The following AKR1C1 variants were observed in gnomAD, a reference collection of about 807,000 sequenced individuals.
AKR1C1 encodes the protein aldo-keto reductase family 1 member C1.
In AKR1C1, 32 loss-of-function variants were observed where a neutral mutation model predicts 40.6. The ratio of observed to expected loss-of-function variants is 0.79; its 90% confidence interval spans 0.60 to 1.06. The LOEUF is 1.06. Among genes scored for constraint, AKR1C1 ranks in the 50% least tolerant of loss-of-function variants. The pLI is 0.00. For synonymous variants in AKR1C1, 105 were observed against 134.2 expected, an observed-to-expected ratio of 0.78 and a Z score of 1.50; for missense variants, 320 against 363.5, an observed-to-expected ratio of 0.88 and a Z score of 0.97.
rs1836551723 is a variant in AKR1C1 at position 4,977,853 on chromosome 10, G to C, written c.*111G>C. 9 of 1,470,394 alleles carry C rather than the reference G, an allele frequency of 6.1e-6. No individual in the cohort carries two copies. The highest frequency in any genetic ancestry group is 2.2e-5 in the Admixed American group (1 of 44,516). The allele number at this position is 1,470,394 out of a possible 1,614,324, so 91.1% of individuals were successfully genotyped here. A position where few individuals can be genotyped will look rare whatever the true frequency, so the allele number is the denominator to read the frequency against. ...CATCGCCTCTGGTTAAATCTCTCCT[G>C]CTTGGTGATTTCAGCAAGCTACAGC... On this transcript the variant is annotated 3_prime_UTR_variant, in exon 9 of 9. Coordinates refer to ENST00000380872, the MANE Select transcript of AKR1C1 (RefSeq NM_001353.6).
At chr10:4,968,751 C>G (rs575400240) in intron 4 of AKR1C1, 71 bp from the exon 5 acceptor site, 1 of 1,609,206 alleles carries the variant, frequency 6.2e-7, no homozygotes, top group African/African-American at 1.3e-5. Context: ...CATATCTAGA[C>G]AGTTGTTACT....
rs1300125566 is a variant in AKR1C1 at position 4,982,699 on chromosome 10, A to T, written c.*4957A>T. 5 of 291,074 alleles carry T rather than the reference A, an allele frequency of 1.7e-5. No individual in the cohort carries two copies. Among genetic ancestry groups the T allele is most frequent in the African/African-American group, 1.1e-4 (5 of 44,306 alleles). The allele number at this position is 291,074 out of a possible 1,614,324, so 18.0% of individuals were successfully genotyped here. A position where few individuals can be genotyped will look rare whatever the true frequency, so the allele number is the denominator to read the frequency against. On this transcript the variant is annotated 3_prime_UTR_variant, in exon 9 of 9. Coordinates refer to ENST00000380872, the MANE Select transcript of AKR1C1 (RefSeq NM_001353.6). The stretch of plus-strand genomic sequence containing the variant: ...GCCTGAGAAACCACTTTCCCTGGGC[A>T]ACTTAGGGCAAGCTCAAATCCCACT...
At chr10:4,967,098 G>A in intron 3 of AKR1C1, 55 bp downstream of exon 3, 1 of 1,528,164 alleles carries the variant, frequency 6.5e-7, no homozygotes, top group African/African-American at 1.4e-5. Flanking sequence ...CATAAATATT[G>A]TTTTTATGGA....
rs1235760320 is a variant in AKR1C1 at position 4,965,915 on chromosome 10, T to C, written c.86T>C (p.Val29Ala). Reference protein sequence around the residue: ...LGFGTYAPAEVPKSKALEATK... With the variant: ...LGFGTYAPAEAPKSKALEATK... ...TACTACCTATGGTTACTCCCCCAGGTTCCTAAAAGTAAAGCTTTAGAGGCC... is the reference window on the plus strand; with the variant it reads ...TACTACCTATGGTTACTCCCCCAGGCTCCTAAAAGTAAAGCTTTAGAGGCC... The change falls in exon 2 of 9, where the codon GTT (valine) becomes GCT (alanine). Residue 29 changes from valine to alanine, a missense_variant and splice_region_variant. Val to Ala is a moderately conservative substitution (Grantham distance 64). Coordinates refer to ENST00000380872, the MANE Select transcript of AKR1C1 (RefSeq NM_001353.6). The C allele has an allele frequency of 1.9e-6, 3 of 1,613,178 alleles. No individual in the cohort carries two copies. Among genetic ancestry groups the C allele is most frequent in the Non-Finnish European group, 2.5e-6 (3 of 1,179,718 alleles).
In AKR1C1 at chr10:4,981,514, GATT is replaced by G. The variant is rs1836614802; in HGVS notation, c.*3774_*3776del. ...TGTGAGCATGCCTCTCCCACTTGGA[GATT>G]AGTGTGTAGAGATTTACATTGTGAA... On this transcript the variant is annotated 3_prime_UTR_variant, in exon 9 of 9. Transcript: ENST00000380872. 6.6e-6 allele frequency: 1 copy of G among 151,584 alleles called. No homozygotes were observed. The highest frequency in any genetic ancestry group is 1.5e-5 in the Non-Finnish European group (1 of 67,674). The allele number at this position is 151,584 out of a possible 1,614,324, so 9.4% of individuals were successfully genotyped here. A position where few individuals can be genotyped will look rare whatever the true frequency, so the allele number is the denominator to read the frequency against.
rs774018727 is a variant in AKR1C1 at position 4,966,087 on chromosome 10, G to C, written c.252+6G>C. ...ACATATTCTACACTTCAAAGGTACT[G>C]TGCCTATGATGAGCTTGTGTGCACA... On this transcript the variant is annotated splice_donor_region_variant and intron_variant, in intron 2 of 8. Transcript: ENST00000380872. 6.2e-7 allele frequency: 1 copy of C among 1,610,386 alleles called. No homozygotes were observed. The highest frequency in any genetic ancestry group is 1.3e-5 in the African/African-American group (1 of 74,806).
At chr10:4,970,014 A>C (rs1042370019) in intron 5 of AKR1C1, 1 of 386,866 alleles carries the variant, frequency 2.6e-6, no homozygotes, top group Non-Finnish European at 4.8e-6. Context: ...AAATTTGATA[A>C]AAATAATACT....
At chr10:4,968,521 A>T (rs545773178) in intron 4 of AKR1C1, 135 bp downstream of exon 4, 1 of 1,541,714 alleles carries the variant, frequency 6.5e-7, no homozygotes, top group African/African-American at 1.4e-5. Flanking sequence ...AGTTTTTGTG[A>T]GCAGTGAGGA....
At position 4,981,148 on chromosome 10, in the gene AKR1C1, G is replaced by T. The variant is rs1284464523; in HGVS notation, c.*3406G>T. On this transcript the variant is annotated 3_prime_UTR_variant, in exon 9 of 9. Transcript: ENST00000380872. ...TGCTGAGCAGTAAGTCTTAACAGTG[G>T]GCTTAAAATATTCAGTAAACCATTA... 1.3e-5 allele frequency: 2 copies of T among 151,886 alleles called. No homozygotes were observed. Among genetic ancestry groups the T allele is most frequent in the Admixed American group, 1.3e-4 (2 of 15,254 alleles). 9.4% of individuals were successfully genotyped at this position (151,886 alleles called of 1,614,324 possible).
chr10:4,966,238 G>T (rs1023367472), intron 2 of AKR1C1, among the ~76,000 whole-genome samples, 157 bp downstream of exon 2: 2 of 152,192 alleles, frequency 1.3e-5, no homozygotes, highest in African/African-American at 4.8e-5. Flanking sequence ...TCAAAGGCAG[G>T]AAGTGAAGAT....
In AKR1C1 at chr10:4,977,846, C is replaced by G; in HGVS notation, c.*104C>G. Reference sequence around the variant, plus strand: ...CTGGACACATCGCCTCTGGTTAAATCTCTCCTGCTTGGTGATTTCAGCAAG... The same window carrying G: ...CTGGACACATCGCCTCTGGTTAAATGTCTCCTGCTTGGTGATTTCAGCAAG... On this transcript the variant is annotated 3_prime_UTR_variant, in exon 9 of 9. Transcript: ENST00000380872. 4.8e-6 allele frequency: 7 copies of G among 1,452,610 alleles called. No individual in the cohort carries two copies. Among genetic ancestry groups the G allele is most frequent in the Non-Finnish European group, 6.6e-6 (7 of 1,062,950 alleles). 90.0% of individuals were successfully genotyped at this position (1,452,610 alleles called of 1,614,324 possible). A position where few individuals can be genotyped will look rare whatever the true frequency, so the allele number is the denominator to read the frequency against.
Position 4,982,728 on chromosome 10 carries a change from AC to A in AKR1C1, c.*4988del. 3.4e-6 allele frequency: 1 copy of A among 291,724 alleles called. No homozygotes were observed. The allele number at this position is 291,724 out of a possible 1,614,324, so 18.1% of individuals were successfully genotyped here. A position where few individuals can be genotyped will look rare whatever the true frequency, so the allele number is the denominator to read the frequency against. ...TAGGGCAAGCTCAAATCCCACTGCT[AC>A]CACCACAGCTGGTGCTCTTTTGCAA... On this transcript the variant is annotated 3_prime_UTR_variant, in exon 9 of 9. Coordinates refer to ENST00000380872, the MANE Select transcript of AKR1C1 (RefSeq NM_001353.6).
intron 3 of AKR1C1, chr10:4,967,462 G>A: frequency 1.0e-6 from 1 of 994,272 alleles, no homozygotes; most frequent in Non-Finnish European, 1.2e-6. Flanking sequence ...CGAGAACTCA[G>A]TCCGGGAGTG....
intron 8 of AKR1C1, 53 bp downstream of exon 8, chr10:4,975,986 G>T: frequency 2.9e-6 from 1 of 345,476 alleles, no homozygotes; most frequent in South Asian, 2.5e-5. Context: ...GAGGAACGTA[G>T]GATGGGTGTT....
In AKR1C1 at chr10:4,973,180, C is replaced by T. The variant is rs573385619; in HGVS notation, c.846+431C>T. ...TTTAACTCTGCCTTTTTTTTTTTGG[C>T]GAGGTGGTTGTGTGTCTTTATTTTT... On this transcript the variant is annotated intron_variant, in intron 7 of 8. Transcript: ENST00000380872. Among the ~76,000 whole-genome samples, 360 of 147,518 alleles carry T rather than the reference C, an allele frequency of 2.4e-3. 1 individual carries two copies. The highest frequency in any genetic ancestry group is 8.8e-3 in the African/African-American group (348 of 39,716).
At chr10:4,967,983 A>C (rs1430614074) in intron 3 of AKR1C1, 1 of 219,288 alleles carries the variant, frequency 4.6e-6, no homozygotes, top group Admixed American at 5.2e-5. Context: ...CTGGATATCA[A>C]GATCTTTTGC....
Position 4,982,831 on chromosome 10 carries a change from G to A in AKR1C1, c.*5089G>A, listed in dbSNP as rs1325656152. ...GGAAGAATAAATAGAACTGTTCCCAGGAAGGAGAAAATGCCTGCATGAGCT... is the reference window on the plus strand; with the variant it reads ...GGAAGAATAAATAGAACTGTTCCCAAGAAGGAGAAAATGCCTGCATGAGCT... On this transcript the variant is annotated 3_prime_UTR_variant, in exon 9 of 9. Transcript: ENST00000380872. 2.6e-6 allele frequency: 1 copy of A among 379,100 alleles called. No individual in the cohort carries two copies. The allele number at this position is 379,100 out of a possible 1,614,324, so 23.5% of individuals were successfully genotyped here. A position where few individuals can be genotyped will look rare whatever the true frequency, so the allele number is the denominator to read the frequency against.
rs782472454 is a variant in AKR1C1, at chr10:4,972,583, G to A, written c.681-1G>A. 16 of 1,613,752 alleles carry A rather than the reference G, an allele frequency of 9.9e-6. No individual in the cohort carries two copies. Among genetic ancestry groups the A allele is most frequent in the Non-Finnish European group, 1.3e-5 (15 of 1,179,896 alleles). On this transcript the variant is annotated splice_acceptor_variant, in intron 6 of 8. Transcript: ENST00000380872. LOFTEE classifies it high-confidence loss of function. ...CTCAGCCTTTCTGCCTTTCCTTCCA[G>A]GGTGGACCCGAACTCCCCGGTGCTC...
At chr10:4,972,904 C>G (rs1288357972) in intron 7 of AKR1C1, among the ~76,000 whole-genome samples, 155 bp downstream of exon 7, 4 of 152,278 alleles carry the variant, frequency 2.6e-5, no homozygotes, top group African/African-American at 9.6e-5. Flanking sequence ...TTCTTCTACT[C>G]TAGCACAGGA....
Sources: allele counts gnomAD v4.1 joint callset (sites outside exome capture counted in the v4.1 genomes callset), GRCh38; gene constraint gnomAD v4.1.1; transcripts MANE v1.5; gene names NCBI Gene and HGNC (gene_info 2026-07-23, HGNC 2026-07-21).